Variants in CDH4 observed in about 807,000 individuals in gnomAD.
The protein encoded by CDH4 is cadherin-4.
A neutral mutation model predicts 86.0 loss-of-function variants in CDH4; 33 were observed. That is an observed-to-expected ratio of 0.38 (90% confidence interval 0.29 to 0.51). The LOEUF (loss-of-function observed/expected upper bound fraction) is 0.51, where lower values mean the gene tolerates loss of function less well. Ranked by LOEUF, CDH4 falls within the 20% of genes least tolerant of loss-of-function variation. The pLI, the probability that CDH4 is intolerant of heterozygous loss-of-function variation, is 0.86. For synonymous variants in CDH4, 555 were observed against 549.4 expected (o/e 1.01, Z -0.14); for missense variants, 1,114 against 1,307.4 (o/e 0.85, Z 2.28).
chr20:61,639,182 G>A (rs1003307610), intron 2 of CDH4, among the ~76,000 whole-genome samples: 1 of 152,240 alleles, frequency 6.6e-6, no homozygotes, highest in Non-Finnish European at 1.5e-5. Flanking sequence ...AATTGAAAAT[G>A]TAGCACAGCA....
intron 4 of CDH4, among the ~76,000 whole-genome samples, chr20:61,777,615 CACACGTGCAT>C (rs1390166811): frequency 6.6e-6 from 1 of 151,740 alleles, no homozygotes; most frequent in African/African-American, 2.4e-5. Context: ...CACATGCGCA[CACACGTGCAT>C]ACAAAAACAC....
intron 2 of CDH4, among the ~76,000 whole-genome samples, chr20:61,547,758 G>C (rs2086099499): frequency 6.6e-6 from 1 of 152,234 alleles, no homozygotes; most frequent in South Asian, 2.1e-4. Flanking sequence ...GAATGGCCCT[G>C]TTGCCACTTA....
intron 6 of CDH4, among the ~76,000 whole-genome samples, chr20:61,869,884 C>G (rs6089534): frequency 0.66 from 100,796 of 152,164 alleles, 33,546 homozygotes; most frequent in South Asian, 0.69. Context: ...ATTCCATCCT[C>G]AGTGGGGAGA....
At chr20:61,436,167 A>G (rs1233093393) in intron 2 of CDH4, among the ~76,000 whole-genome samples, 2 of 151,862 alleles carry the variant, frequency 1.3e-5, no homozygotes, top group African/African-American at 4.8e-5. Context: ...CTCGGCTTCA[A>G]CCCCCACCTT....
At chr20:61,835,694 G>T (rs1428100381) in intron 4 of CDH4, among the ~76,000 whole-genome samples, 1 of 152,206 alleles carries the variant, frequency 6.6e-6, no homozygotes, top group Non-Finnish European at 1.5e-5. Context: ...GGTTCTAGGG[G>T]CTCTCCCTAG....
chr20:61,554,817 T>C (rs2086162973), intron 2 of CDH4, among the ~76,000 whole-genome samples: 1 of 152,216 alleles, frequency 6.6e-6, no homozygotes, highest in Admixed American at 6.5e-5. Context: ...TGCACATGCG[T>C]GTGAGAGTAT....
At chr20:61,725,026 C>T (rs955818207) in intron 2 of CDH4, among the ~76,000 whole-genome samples, 2 of 152,124 alleles carry the variant, frequency 1.3e-5, no homozygotes, top group Non-Finnish European at 2.9e-5. Flanking sequence ...GCAGGAGAGT[C>T]ACTTGGATGC....
chr20:61,648,145 A>G (rs2087084991), intron 2 of CDH4, among the ~76,000 whole-genome samples: 1 of 152,192 alleles, frequency 6.6e-6, no homozygotes, highest in South Asian at 2.1e-4. Flanking sequence ...GCCACACCAC[A>G]CCATCGATTG....
rs528854145 is a variant in CDH4, at chr20:61,294,288, C to T, written c.169+39351C>T. On this transcript the variant is annotated intron_variant, in intron 2 of 15. Transcript: ENST00000614565. The stretch of plus-strand genomic sequence containing the variant: ...GCCAGGGCTGCTGACCTGCTAGAGC[C>T]CAAGGCCAAAGGTCTTTGAGGTGGG... Among the ~76,000 whole-genome samples, 48 of 152,302 alleles carry T rather than the reference C, an allele frequency of 3.2e-4. 1 individual carries two copies. The East Asian group carries it at 9.1e-3, about 29-fold the overall frequency.
At chr20:61,920,017 C>CATGGAAGTGTGTTGTGATTGT (rs2054953272) in intron 9 of CDH4, among the ~76,000 whole-genome samples, 1 of 3,272 alleles carries the variant, frequency 3.1e-4, no homozygotes, top group African/African-American at 1.1e-3. Context: ...ACAGTGATTG[C>CATGGAAGTGTGTTGTGATTGT]GTGGAAGCGT....
chr20:61,356,130 C>T (rs1191612507), intron 2 of CDH4, among the ~76,000 whole-genome samples: 1 of 152,218 alleles, frequency 6.6e-6, no homozygotes, highest in East Asian at 1.9e-4. Flanking sequence ...GGAGCATTCA[C>T]TGGGCATCAG....
chr20:61,725,296 C>T (rs748300684), intron 2 of CDH4, among the ~76,000 whole-genome samples: 6 of 152,256 alleles, frequency 3.9e-5, no homozygotes, highest in African/African-American at 9.6e-5. Flanking sequence ...CACACCTCCC[C>T]GAGCTGGTCA....
chr20:61,584,686 G>A (rs939343098), intron 2 of CDH4, among the ~76,000 whole-genome samples: 2 of 152,210 alleles, frequency 1.3e-5, no homozygotes, highest in Admixed American at 6.5e-5. Context: ...ATAACCCTGT[G>A]AGAATGTGTG....
At position 61,299,207 on chromosome 20, in the gene CDH4, C is replaced by T. The variant is rs148934131; in HGVS notation, c.169+44270C>T. The stretch of plus-strand genomic sequence containing the variant: ...CGAATCCAGTGTTAGACAGAGGCCC[C>T]GGGGAGAACCTCGCTTATTCGTTCA... On this transcript the variant is annotated intron_variant, in intron 2 of 15. Transcript: ENST00000614565. Among the ~76,000 whole-genome samples the T allele has an allele frequency of 8.2e-3, 1,243 of 152,238 alleles. 19 individuals are homozygous for T. Among genetic ancestry groups the T allele is most frequent in the African/African-American group, 0.028 (1,181 of 41,540 alleles).
At chr20:61,648,934 C>A (rs768528001) in intron 2 of CDH4, among the ~76,000 whole-genome samples, 3 of 152,164 alleles carry the variant, frequency 2.0e-5, no homozygotes, top group Non-Finnish European at 2.9e-5. Context: ...CAGGTGGCCC[C>A]ACCTCGCAGG....
chr20:61,891,140 A>G (rs1323279701), intron 7 of CDH4, among the ~76,000 whole-genome samples: 1 of 152,130 alleles, frequency 6.6e-6, no homozygotes, highest in South Asian at 2.1e-4. Flanking sequence ...CAGTGCAGAC[A>G]GGGCGCCATG....
intron 2 of CDH4, among the ~76,000 whole-genome samples, chr20:61,364,338 TA>T (rs1471329041): frequency 1.3e-5 from 2 of 151,750 alleles, no homozygotes; most frequent in African/African-American, 2.4e-5. Context: ...TGCCCTGGTC[TA>T]GGCAACACCG....
chr20:61,602,195 G>A (rs2086606556), intron 2 of CDH4, among the ~76,000 whole-genome samples: 1 of 152,288 alleles, frequency 6.6e-6, no homozygotes, highest in African/African-American at 2.4e-5. Flanking sequence ...CCCAGGTTAG[G>A]GGATGCTGCC....
rs1032380361 is a variant in CDH4, at chr20:61,582,891, C to T, written c.170-160672C>T. Among the ~76,000 whole-genome samples, 8 of 152,180 alleles carry T rather than the reference C, an allele frequency of 5.3e-5. No individual in the cohort carries two copies. Among genetic ancestry groups the T allele is most frequent in the African/African-American group, 1.2e-4 (5 of 41,454 alleles). On this transcript the variant is annotated intron_variant, in intron 2 of 15. Transcript: ENST00000614565. The surrounding 1 kb of genome is among the most constrained non-coding windows in gnomAD (Gnocchi z 4.2). ...CCAGTCCATTTTAGAATGTTTTCAT[C>T]GCCTCACAAAGAAACTCCACACCCT...
Sources: gnomAD v4.1 joint callset for allele counts (sites outside exome capture counted in the v4.1 genomes callset) on GRCh38, gnomAD v4.1.1 for gene constraint, Gnocchi (gnomAD v3.1) non-coding constraint, MANE v1.5 for transcripts, NCBI Gene and HGNC (gene_info 2026-07-23, HGNC 2026-07-21) for gene names.